Variants in COMMD1 observed in about 807,000 individuals in gnomAD.
The protein encoded by COMMD1 is copper metabolism domain containing 1.
A neutral mutation model predicts 17.2 loss-of-function variants in COMMD1; 10 were observed. That is an observed-to-expected ratio of 0.58 (90% CI 0.36 to 0.99). The LOEUF (loss-of-function observed/expected upper bound fraction) is 0.99, where lower values mean the gene tolerates loss of function less well. Among genes scored for constraint, COMMD1 ranks in the 50% least tolerant of loss-of-function variants. The probability of loss-of-function intolerance (pLI) is 0.01; values close to 1 mark genes in which losing one functional copy is unlikely to be tolerated. For synonymous variants in COMMD1, 97 were observed against 91.6 expected (o/e 1.06, Z -0.34); for missense variants, 270 against 231.8 (o/e 1.17, Z -1.07).
At chr2:62,071,131 C>T (rs1290007392) in intron 2 of COMMD1, among the ~76,000 whole-genome samples, 1 of 152,196 alleles carries the variant, frequency 6.6e-6, no homozygotes, top group Non-Finnish European at 1.5e-5. Context: ...ATATGCTAAA[C>T]AAGGAGTGGA....
intron 2 of COMMD1, among the ~76,000 whole-genome samples, chr2:62,062,303 T>C: frequency 6.6e-6 from 1 of 151,724 alleles, no homozygotes; most frequent in Admixed American, 6.6e-5. Flanking sequence ...CTCAGCTCAC[T>C]GCAACCTGCC....
chr2:62,043,063 A>T (rs536848144), intron 2 of COMMD1, among the ~76,000 whole-genome samples: 10 of 152,200 alleles, frequency 6.6e-5, no homozygotes, highest in Non-Finnish European at 1.5e-4. Context: ...CGCTAAATAC[A>T]CATTGTTTTA....
chr2:61,930,690 T>G (rs1423760877), intron 1 of COMMD1, among the ~76,000 whole-genome samples: 1 of 150,672 alleles, frequency 6.6e-6, no homozygotes, highest in Non-Finnish European at 1.5e-5. Flanking sequence ...TCCACCAGAA[T>G]TATTTGTATC....
At chr2:61,927,599 C>A (rs971532331) in intron 1 of COMMD1, among the ~76,000 whole-genome samples, 6 of 151,980 alleles carry the variant, frequency 3.9e-5, no homozygotes, top group African/African-American at 1.5e-4. Flanking sequence ...GGGATTTCAC[C>A]ATGTTAGCCA....
intron 2 of COMMD1, among the ~76,000 whole-genome samples, chr2:62,081,556 A>G (rs1375506719): frequency 6.6e-6 from 1 of 151,798 alleles, no homozygotes; most frequent in Non-Finnish European, 1.5e-5. Context: ...GGCCCAATCT[A>G]GATTTTTTTT....
intron 1 of COMMD1, among the ~76,000 whole-genome samples, chr2:61,894,637 G>A (rs1034538998): frequency 2.0e-5 from 3 of 149,986 alleles, no homozygotes; most frequent in African/African-American, 4.9e-5. Context: ...TGTTACTATT[G>A]CAAGCTAAAT....
intron 2 of COMMD1, among the ~76,000 whole-genome samples, chr2:62,096,953 C>CT (rs1190072315): frequency 1.3e-5 from 2 of 152,144 alleles, no homozygotes; most frequent in Non-Finnish European, 2.9e-5. Context: ...ATAAGTAGGA[C>CT]TTTCTGAGTA....
intron 1 of COMMD1, among the ~76,000 whole-genome samples, chr2:61,990,903 T>TAC (rs34009777): frequency 0.019 from 2,221 of 116,044 alleles, 64 homozygotes; most frequent in African/African-American, 0.053. Context: ...TATATATATA[T>TAC]ACACACACAC....
At chr2:62,054,578 G>A (rs570989408) in intron 2 of COMMD1, among the ~76,000 whole-genome samples, 1 of 152,262 alleles carries the variant, frequency 6.6e-6, no homozygotes, top group African/African-American at 2.4e-5. Context: ...AAGAACTGGA[G>A]GTCATTAAGT....
At chr2:62,005,036 A>G (rs1020712131) in intron 2 of COMMD1, among the ~76,000 whole-genome samples, 3 of 152,228 alleles carry the variant, frequency 2.0e-5, no homozygotes, top group Non-Finnish European at 1.5e-5. Context: ...GTTCTCAACC[A>G]TGGTCACACA....
chr2:61,995,230 G>A (rs544754666), intron 1 of COMMD1, among the ~76,000 whole-genome samples: 6 of 152,260 alleles, frequency 3.9e-5, no homozygotes, highest in South Asian at 4.1e-4. Context: ...GACTGCAGGC[G>A]TGTGACACCA....
chr2:61,961,379 A>G (rs1671340549), intron 1 of COMMD1, among the ~76,000 whole-genome samples: 1 of 152,204 alleles, frequency 6.6e-6, no homozygotes, highest in African/African-American at 2.4e-5. Flanking sequence ...AAAGAAAGAA[A>G]AGGAAGATGC....
intron 1 of COMMD1, among the ~76,000 whole-genome samples, chr2:61,899,312 T>A (rs1669612072): frequency 6.6e-6 from 1 of 152,222 alleles, no homozygotes; most frequent in South Asian, 2.1e-4. Flanking sequence ...GAGAAAATTC[T>A]GTACAAACAG....
intron 2 of COMMD1, among the ~76,000 whole-genome samples, chr2:62,065,043 C>A (rs1318097272): frequency 6.6e-6 from 1 of 152,072 alleles, no homozygotes; most frequent in Non-Finnish European, 1.5e-5. Context: ...CGGCAAGCAC[C>A]TGTAATCCCA....
At chr2:62,029,759 C>T (rs1167629322) in intron 2 of COMMD1, among the ~76,000 whole-genome samples, 1 of 152,218 alleles carries the variant, frequency 6.6e-6, no homozygotes, top group Non-Finnish European at 1.5e-5. Context: ...AAGGTTCTCT[C>T]AACTTCTCAC....
At chr2:62,107,190 G>A (rs1318346078) in intron 2 of COMMD1, among the ~76,000 whole-genome samples, 1 of 152,146 alleles carries the variant, frequency 6.6e-6, no homozygotes, top group African/African-American at 2.4e-5. Flanking sequence ...TTAGCAATCT[G>A]TATATTGCTT....
At chr2:62,110,494 T>C (rs1375263011) in intron 2 of COMMD1, among the ~76,000 whole-genome samples, 1 of 152,200 alleles carries the variant, frequency 6.6e-6, no homozygotes, top group Non-Finnish European at 1.5e-5. Context: ...ATTCTTACAT[T>C]GACAACTGAC....
intron 2 of COMMD1, among the ~76,000 whole-genome samples, chr2:62,015,983 C>T (rs1229437583): frequency 1.3e-5 from 2 of 151,360 alleles, no homozygotes; most frequent in Non-Finnish European, 2.9e-5. Flanking sequence ...AGGCACACAC[C>T]ACCACACCTG....
intron 1 of COMMD1, among the ~76,000 whole-genome samples, chr2:61,897,137 A>T (rs1669566295): frequency 6.6e-6 from 1 of 152,172 alleles, no homozygotes; most frequent in African/African-American, 2.4e-5. Flanking sequence ...CCTAGAGGAT[A>T]TTCTTAACAC....
Sources: gnomAD v4.1 joint callset for allele counts (sites outside exome capture counted in the v4.1 genomes callset) on GRCh38, gnomAD v4.1.1 for gene constraint, MANE v1.5 for transcripts, NCBI Gene and HGNC (gene_info 2026-07-23, HGNC 2026-07-21) for gene names.